Variants in SCFD2 observed in about 807,000 individuals in gnomAD.
SCFD2 encodes sec1 family domain containing 2.
A neutral mutation model predicts 58.9 loss-of-function variants in SCFD2; 54 were observed. The ratio of observed to expected loss-of-function variants is 0.92; its 90% CI spans 0.74 to 1.15. The LOEUF (loss-of-function observed/expected upper bound fraction) is 1.15, where lower values mean the gene tolerates loss of function less well. Ranked by LOEUF, SCFD2 falls within the 50% of genes most tolerant of loss-of-function variation. The pLI is 0.00. For missense variants in SCFD2, 805 were observed against 836.6 expected, an observed-to-expected ratio of 0.96 and a Z score of 0.47; for synonymous variants, 321 against 335.9, an observed-to-expected ratio of 0.96 and a Z score of 0.49.
intron 6 of SCFD2, among the ~76,000 whole-genome samples, chr4:52,919,941 A>T (rs1355092101): frequency 6.6e-6 from 1 of 152,246 alleles, no homozygotes. Flanking sequence ...TAAAGGTTTT[A>T]TGGAGAAATA....
At chr4:53,266,951 A>G (rs1466224460) in intron 4 of SCFD2, among the ~76,000 whole-genome samples, 2 of 152,234 alleles carry the variant, frequency 1.3e-5, no homozygotes, top group Non-Finnish European at 2.9e-5. Flanking sequence ...AAGTGTATAA[A>G]TCTATTGTTT....
rs994039303 is a variant in SCFD2, at chr4:53,365,136, A to C, written c.806T>G (p.Val269Gly). The C allele has an allele frequency of 3.7e-6, 6 of 1,614,230 alleles. No individual in the cohort carries two copies. Among genetic ancestry groups the C allele is most frequent in the Non-Finnish European group, 4.2e-6 (5 of 1,180,036 alleles). Residue 269 changes from valine to glycine, a missense_variant, in exon 1 of 9, where the codon GTG becomes GGG. By Grantham distance (109) the Val-to-Gly change is moderately radical. Coordinates refer to ENST00000401642, the MANE Select transcript of SCFD2 (RefSeq NM_152540.4). The surrounding 1 kb of genome is among the most constrained non-coding windows in gnomAD (Gnocchi z 4.3). ...ATCCAGGGTTCTGTCCACAAAAACC[A>C]CTGATGCCCTGCCTGCAGCAGTCTT... ...RKKTAAGRAS[V>G]VFVDRTLDLT...
At chr4:53,176,545 G>T (rs2148941882) in intron 4 of SCFD2, among the ~76,000 whole-genome samples, 1 of 152,040 alleles carries the variant, frequency 6.6e-6, no homozygotes, top group African/African-American at 2.4e-5. Flanking sequence ...GACCTGAATA[G>T]AGAGAAAGGA....
chr4:53,008,372 A>T (rs544619569), intron 5 of SCFD2, among the ~76,000 whole-genome samples: 3 of 152,302 alleles, frequency 2.0e-5, no homozygotes, highest in African/African-American at 7.2e-5. Flanking sequence ...ACAGAGCATC[A>T]TGGAGAAGCA....
intron 4 of SCFD2, among the ~76,000 whole-genome samples, chr4:53,189,514 T>C (rs928134975): frequency 1.2e-4 from 18 of 152,198 alleles, no homozygotes; most frequent in Admixed American, 9.8e-4. Flanking sequence ...CGCTTCCTTC[T>C]TGGCTGTATC....
chr4:52,924,664 A>G (rs1240337521), intron 5 of SCFD2, among the ~76,000 whole-genome samples: 1 of 152,218 alleles, frequency 6.6e-6, no homozygotes, highest in Non-Finnish European at 1.5e-5. Context: ...TCATAATCAC[A>G]TCAATCCTCA....
chr4:52,914,645 G>GGGC (rs1220519338), intron 6 of SCFD2, among the ~76,000 whole-genome samples: 1 of 152,130 alleles, frequency 6.6e-6, no homozygotes, highest in Non-Finnish European at 1.5e-5. Flanking sequence ...AACATACAGT[G>GGGC]CCTTGGGCCC....
intron 3 of SCFD2, among the ~76,000 whole-genome samples, chr4:53,276,370 A>T (rs1012589977): frequency 2.0e-5 from 3 of 152,180 alleles, no homozygotes; most frequent in African/African-American, 7.2e-5. Context: ...CAAGTTTAAA[A>T]GACTTGAGTG....
At chr4:53,056,973 A>G (rs1403367178) in intron 5 of SCFD2, among the ~76,000 whole-genome samples, 1 of 152,140 alleles carries the variant, frequency 6.6e-6, no homozygotes, top group African/African-American at 2.4e-5. Context: ...ACTTGAGGTC[A>G]GGAGTTGGAA....
intron 7 of SCFD2, among the ~76,000 whole-genome samples, chr4:52,887,711 G>A (rs921680505): frequency 1.3e-5 from 2 of 152,104 alleles, no homozygotes; most frequent in African/African-American, 4.8e-5. Flanking sequence ...CAAGGAGAGA[G>A]GGAATGAAGG....
chr4:53,128,464 C>T (rs1014625199), intron 5 of SCFD2, among the ~76,000 whole-genome samples: 35 of 151,974 alleles, frequency 2.3e-4, no homozygotes, highest in Admixed American at 1.4e-3. Context: ...TCTGCGTTTC[C>T]GAGGAGAACA....
intron 8 of SCFD2, among the ~76,000 whole-genome samples, chr4:52,877,055 G>C (rs1718491264): frequency 6.6e-6 from 1 of 152,138 alleles, no homozygotes; most frequent in Non-Finnish European, 1.5e-5. Context: ...TTCTCAGCAG[G>C]TTTGAGGAAC....
chr4:52,928,756 C>T (rs950231308), intron 5 of SCFD2, among the ~76,000 whole-genome samples: 5 of 152,058 alleles, frequency 3.3e-5, no homozygotes, highest in South Asian at 4.1e-4. Context: ...TGAGAGGAGG[C>T]GTGAGGACAT....
chr4:53,222,456 T>A (rs1395208312), intron 4 of SCFD2, among the ~76,000 whole-genome samples: 1 of 152,248 alleles, frequency 6.6e-6, no homozygotes, highest in Non-Finnish European at 1.5e-5. Context: ...ATGATAAATT[T>A]AGAAAACATT....
intron 3 of SCFD2, among the ~76,000 whole-genome samples, chr4:53,297,922 T>C: frequency 6.6e-6 from 1 of 152,226 alleles, no homozygotes. Context: ...GAAGCCTTTT[T>C]GGCTGGATAT....
At chr4:53,041,959 AG>A (rs1464727348) in intron 5 of SCFD2, among the ~76,000 whole-genome samples, 1 of 152,146 alleles carries the variant, frequency 6.6e-6, no homozygotes, top group Non-Finnish European at 1.5e-5. Context: ...CACTTTGTTA[AG>A]ACAAGCTGAG....
rs115504075 is a variant in SCFD2, at chr4:53,281,734, A to T, written c.1136-7733T>A. The stretch of plus-strand genomic sequence containing the variant: ...GATTGCAACACCTTTTCCCCTCACC[A>T]GTTGGTTATCTCTGGAACTTGCATT... On this transcript the variant is annotated intron_variant, in intron 3 of 8. Transcript: ENST00000401642. 2.8e-3 allele frequency among the ~76,000 whole-genome samples: 431 copies of T among 152,266 alleles called. 2 individuals carry two copies. Among genetic ancestry groups the T allele is most frequent in the African/African-American group, 9.9e-3 (410 of 41,546 alleles).
intron 4 of SCFD2, among the ~76,000 whole-genome samples, chr4:53,176,872 C>T (rs1727351259): frequency 6.6e-6 from 1 of 150,828 alleles, no homozygotes; most frequent in East Asian, 2.0e-4. Context: ...TCACTTGAAC[C>T]CGGGAGGCAA....
At chr4:53,082,975 C>G (rs1476436570) in intron 5 of SCFD2, among the ~76,000 whole-genome samples, 1 of 1,472 alleles carries the variant, frequency 6.8e-4, no homozygotes, top group African/African-American at 7.5e-4. Context: ...ATATCTGTCT[C>G]TCTTTCTCTC....
Sources: gnomAD v4.1 joint callset for allele counts (sites outside exome capture counted in the v4.1 genomes callset) on GRCh38, gnomAD v4.1.1 for gene constraint, Gnocchi (gnomAD v3.1) non-coding constraint, MANE v1.5 for transcripts, NCBI Gene and HGNC (gene_info 2026-07-23, HGNC 2026-07-21) for gene names.